MXRA7: variants seen among roughly 807,000 people sequenced by gnomAD.
The protein encoded by MXRA7 is matrix-remodeling-associated protein 7.
In MXRA7, 18 loss-of-function variants were observed where a neutral mutation model predicts 17.4. That is an observed-to-expected ratio of 1.03 (90% CI 0.71 to 1.53). The LOEUF is 1.53. MXRA7 is among the 40% of genes most tolerant of loss of function. The pLI is 0.00. For missense variants in MXRA7, 141 were observed against 209.3 expected (o/e 0.67, Z 2.01); for synonymous variants, 70 against 101.7 (o/e 0.69, Z 1.87).
At chr17:76,696,663 AG>A (rs1226064329) in intron 1 of MXRA7, among the ~76,000 whole-genome samples, 1 of 152,204 alleles carries the variant, frequency 6.6e-6, no homozygotes, top group Non-Finnish European at 1.5e-5. Context: ...AAGAGGCAGG[AG>A]GAACTATGAG....
At chr17:76,699,896 T>C (rs2076572394) in intron 1 of MXRA7, among the ~76,000 whole-genome samples, 1 of 152,244 alleles carries the variant, frequency 6.6e-6, no homozygotes, top group African/African-American at 2.4e-5. Flanking sequence ...TTTTGCTTTA[T>C]GTCCTGGGCT....
intron 3 of MXRA7, among the ~76,000 whole-genome samples, chr17:76,682,835 G>A (rs1478485284): frequency 1.3e-5 from 2 of 152,200 alleles, no homozygotes; most frequent in Non-Finnish European, 2.9e-5. Flanking sequence ...GCAGCATGCA[G>A]AGGAGTCGAG....
Position 76,704,556 on chromosome 17 carries a change from A to G in MXRA7, c.342+6049T>C, listed in dbSNP as rs1197971884. 4.0e-5 allele frequency among the ~76,000 whole-genome samples: 6 copies of G among 149,052 alleles called. No homozygotes were observed. In the East Asian group the frequency reaches 8.2e-4, roughly 20 times the overall value. ...TCCCAGCACTTTGGGAGGCCGAGGC[A>G]GGCTGATCATTTGAGGCCAGGAGTT... On this transcript the variant is annotated intron_variant, in intron 1 of 3. Transcript: ENST00000449428.
chr17:76,709,389 C>T (rs890973093), intron 1 of MXRA7: 1 of 152,252 alleles, frequency 6.6e-6, no homozygotes, highest in African/African-American at 2.4e-5. Context: ...CAGGGCCTGC[C>T]CCTGCTCCAC....
rs2076343851 is a variant in MXRA7, at chr17:76,683,717, G to A, written c.500+1355C>T. 8 of 672,444 alleles carry A rather than the reference G, an allele frequency of 1.2e-5. No homozygotes were observed. In the East Asian group the frequency reaches 2.2e-4, roughly 18 times the overall value. The allele number at this position is 672,444 out of a possible 1,614,324, so 41.7% of individuals were successfully genotyped here. ...GCTTGAGAAGAATGAGAAGGGCTCA[G>A]GTGGGAAATGTATTAATCGGTTATG... On this transcript the variant is annotated intron_variant, in intron 3 of 3. Coordinates refer to ENST00000449428, the MANE Select transcript of MXRA7 (RefSeq NM_198530.4).
chr17:76,686,441 C>G (rs908303123), intron 2 of MXRA7, among the ~76,000 whole-genome samples: 15 of 152,174 alleles, frequency 9.9e-5, no homozygotes, highest in Non-Finnish European at 1.6e-4. Context: ...GATCGCGCCA[C>G]TGTACTCCAG....
downstream of MXRA7, chr17:76,677,700 A>T (rs766173081): frequency 3.1e-6 from 5 of 1,612,038 alleles, no homozygotes; most frequent in Admixed American, 8.3e-5. Flanking sequence ...TTCCTTCTGA[A>T]CTCTGTCGAG....
chr17:76,688,325 A>G, intron 1 of MXRA7, 149 bp from the exon 2 acceptor site: 1 of 1,462,656 alleles, frequency 6.8e-7, no homozygotes, highest in Non-Finnish European at 9.0e-7. Context: ...GTCATGGTCA[A>G]CCAGCAGGTG....
intron 1 of MXRA7, among the ~76,000 whole-genome samples, chr17:76,708,285 G>T (rs62085154): frequency 0.036 from 5,432 of 152,308 alleles, 142 homozygotes; most frequent in East Asian, 0.047. Flanking sequence ...GATTAGAAAG[G>T]AGGCAGTTAA....
chr17:76,677,809 A>G, downstream of MXRA7: 1 of 730,234 alleles, frequency 1.4e-6, no homozygotes, highest in Non-Finnish European at 2.4e-6. Flanking sequence ...CTCTTGTGTG[A>G]CTGCGGTTGC....
In MXRA7 at chr17:76,710,637, C is replaced by A; in HGVS notation, c.310G>T (p.Glu104Ter). The A allele has an allele frequency of 7.2e-7, 1 of 1,383,176 alleles. No homozygotes were observed. Among genetic ancestry groups the A allele is most frequent in the Non-Finnish European group, 9.4e-7 (1 of 1,064,550 alleles). The allele number at this position is 1,383,176 out of a possible 1,614,324, so 85.7% of individuals were successfully genotyped here. Reference sequence around the variant, plus strand: ...GCCTCCACCGCCTGCTCCTCCGCCTCCGCTGGCGCCGCCGCGGGATCCCCT... The same window carrying A: ...GCCTCCACCGCCTGCTCCTCCGCCTACGCTGGCGCCGCCGCGGGATCCCCT... ...GPGDPAAAPAEAEEQAVEARQ... is the reference protein window; with the variant it reads ...GPGDPAAAPA The change falls in exon 1 of 4, where the codon GAG (glutamate) becomes TAG (stop). Residue 104 changes from glutamate (E) to a stop codon, truncating the protein, a stop_gained. Coordinates refer to ENST00000449428, the MANE Select transcript of MXRA7 (RefSeq NM_198530.4). LOFTEE classifies it high-confidence loss of function.
intron 1 of MXRA7, among the ~76,000 whole-genome samples, chr17:76,698,015 G>A (rs953841349): frequency 1.3e-5 from 2 of 152,222 alleles, no homozygotes; most frequent in African/African-American, 4.8e-5. Context: ...TGCTGCCCAA[G>A]GAGATGGTTC....
chr17:76,678,538 C>T (rs1053605986), downstream of MXRA7, among the ~76,000 whole-genome samples: 3 of 152,278 alleles, frequency 2.0e-5, no homozygotes, highest in Admixed American at 6.5e-5. Flanking sequence ...TCAGCCCAGC[C>T]GGGCACTGCA....
intron 1 of MXRA7, among the ~76,000 whole-genome samples, chr17:76,706,041 G>T (rs998893638): frequency 6.6e-6 from 1 of 150,740 alleles, no homozygotes; most frequent in Non-Finnish European, 1.5e-5. Context: ...GGCCCACTCT[G>T]CTATCACAAA....
chr17:76,698,365 G>C (rs184805296), intron 1 of MXRA7, among the ~76,000 whole-genome samples: 2 of 152,052 alleles, frequency 1.3e-5, no homozygotes, highest in South Asian at 2.1e-4. Flanking sequence ...GCAATGGGCG[G>C]GGGGGGAGCA....
At chr17:76,691,813 A>G (rs2076481749) in intron 1 of MXRA7, among the ~76,000 whole-genome samples, 1 of 152,198 alleles carries the variant, frequency 6.6e-6, no homozygotes. Flanking sequence ...TAAGCCCAAT[A>G]TCAAGAATAG....
At position 76,690,866 on chromosome 17, in the gene MXRA7, C is replaced by T. The variant is rs563293435; in HGVS notation, c.343-2690G>A. Among the ~76,000 whole-genome samples the T allele has an allele frequency of 2.0e-5, 3 of 152,206 alleles. No individual in the cohort carries two copies. In the South Asian group the frequency reaches 6.2e-4, roughly 32 times the overall value. On this transcript the variant is annotated intron_variant, in intron 1 of 3. Coordinates refer to ENST00000449428, the MANE Select transcript of MXRA7 (RefSeq NM_198530.4). ...GGGATCACAGGTGCATGCCACCATGCCCAGCCCTGACACTGAGCTCCTAAG... is the reference window on the plus strand; with the variant it reads ...GGGATCACAGGTGCATGCCACCATGTCCAGCCCTGACACTGAGCTCCTAAG...
At chr17:76,690,034 G>A (rs950572328) in intron 1 of MXRA7, 5 of 131,802 alleles carry the variant, frequency 3.8e-5, no homozygotes, top group Non-Finnish European at 6.8e-5. Flanking sequence ...AAAAAAAAAG[G>A]AGGCGTTGAT....
intron 1 of MXRA7, among the ~76,000 whole-genome samples, chr17:76,705,247 T>C (rs2143683499): frequency 6.6e-6 from 1 of 152,316 alleles, no homozygotes; most frequent in East Asian, 1.9e-4. Flanking sequence ...CTGGACTTCT[T>C]TCATATATGG....
Sources: allele counts gnomAD v4.1 joint callset (sites outside exome capture counted in the v4.1 genomes callset), GRCh38; gene constraint gnomAD v4.1.1; transcripts MANE v1.5; gene names NCBI Gene and HGNC (gene_info 2026-07-23, HGNC 2026-07-21).